ATP13A5: variants seen among roughly 807,000 people sequenced by gnomAD.
The protein encoded by ATP13A5 is probable cation-transporting ATPase 13A5.
Under a neutral mutation model 150.2 loss-of-function variants are expected in ATP13A5, and 149 were observed. The observed-to-expected ratio is 0.99, with a 90% CI of 0.87 to 1.14. ATP13A5 has a LOEUF of 1.14. ATP13A5 is among the 50% of genes most tolerant of loss of function. ATP13A5 has a pLI of 0.00. For synonymous variants in ATP13A5, 497 were observed against 522.2 expected, an observed-to-expected ratio of 0.95 and a Z score of 0.66; for missense variants, 1,383 against 1,449.3, an observed-to-expected ratio of 0.95 and a Z score of 0.74.
intron 25 of ATP13A5, among the ~76,000 whole-genome samples, chr3:193,298,625 T>A (rs1000629844): frequency 2.0e-5 from 3 of 152,134 alleles, no homozygotes; most frequent in Non-Finnish European, 4.4e-5. Flanking sequence ...AGTCCTGAGC[T>A]CCTTGATAGG....
chr3:193,299,090 A>G (rs1363668694), intron 25 of ATP13A5, 41 bp downstream of exon 25: 2 of 1,487,172 alleles, frequency 1.3e-6, no homozygotes, highest in African/African-American at 2.9e-5. Flanking sequence ...AATTTCATAG[A>G]TAAATAAAAA....
chr3:193,310,517 C>A lies in ATP13A5; in HGVS notation c.2525+121G>T, dbSNP rs149237585. The A allele has an allele frequency of 1.6e-4, 113 of 714,706 alleles. No individual in the cohort carries two copies. In the East Asian group the frequency reaches 3.0e-3, roughly 19 times the overall value. 44.3% of individuals were successfully genotyped at this position (714,706 alleles called of 1,614,324 possible). On this transcript the variant is annotated intron_variant, in intron 21 of 29. Coordinates refer to ENST00000342358, the MANE Select transcript of ATP13A5 (RefSeq NM_198505.4). ...ATAAGTGTTCCCTTTTCTCTGCAAT[C>A]TTGCCAACATTTGTTATTTTTGACT...
chr3:193,334,881 C>T (rs773727773), intron 10 of ATP13A5, 48 bp downstream of exon 10: 86 of 1,564,462 alleles, frequency 5.5e-5, no homozygotes, highest in Non-Finnish European at 3.0e-5. Flanking sequence ...ATCCAACTCT[C>T]CCCATGTTCA....
intron 25 of ATP13A5, among the ~76,000 whole-genome samples, 161 bp from the exon 26 acceptor site, chr3:193,290,220 C>G (rs182483229): frequency 8.5e-5 from 13 of 152,208 alleles, no homozygotes; most frequent in African/African-American, 3.1e-4. Flanking sequence ...GGTGGCACAT[C>G]CAGTTCCACC....
chr3:193,325,210 C>T (rs914843016), intron 13 of ATP13A5, among the ~76,000 whole-genome samples, 196 bp from the exon 14 acceptor site: 1 of 152,192 alleles, frequency 6.6e-6, no homozygotes, highest in Non-Finnish European at 1.5e-5. Flanking sequence ...ATCTACCTTA[C>T]CTTACAGTGT....
rs754945295 is a variant in ATP13A5 at position 193,333,818 on chromosome 3, T to C, written c.1204A>G (p.Ile402Val). 2.1e-5 allele frequency: 34 copies of C among 1,613,846 alleles called. No individual in the cohort carries two copies. In the East Asian group the frequency reaches 7.1e-4, roughly 34 times the overall value. ...FKLYSDAFKF[I>V]VFLACLGVMG... ...ACACCAAGGCAGGCCAGGAACACGA[T>C]GAACTTGAAGGCATCGCTGTATAGT... The change falls in exon 11 of 30, where the codon ATC (isoleucine) becomes GTC (valine). Residue 402 changes from isoleucine (I) to valine (V), a missense_variant. Physicochemically the swap from Ile to Val is conservative, Grantham distance 29. This residue lies in a region of ATP13A5 where 787 missense variants were observed against 771.9 expected (regional missense o/e 1.02). Transcript: ENST00000342358.
At chr3:193,333,367 A>G (rs924660991) in intron 11 of ATP13A5, among the ~76,000 whole-genome samples, 7 of 152,158 alleles carry the variant, frequency 4.6e-5, no homozygotes, top group Non-Finnish European at 8.8e-5. Context: ...ACCAGAAAGG[A>G]CCTCAGAGGT....
rs115289476 is a variant in ATP13A5 at position 193,311,936 on chromosome 3, G to C, written c.2325C>G (p.Ile775Met). ...NQETGPGKKEIYMHTGNSSTP... is the reference protein window; with the variant it reads ...NQETGPGKKEMYMHTGNSSTP... Reference sequence around the variant, plus strand: ...TTGAACTGTTTCCAGTATGCATGTAGATTTCCTAAAATCAAAAGGGCATCA... The same window carrying C: ...TTGAACTGTTTCCAGTATGCATGTACATTTCCTAAAATCAAAAGGGCATCA... The change falls in exon 20 of 30, where the codon ATC becomes ATG. Residue 775 changes from isoleucine to methionine, a missense_variant. Physicochemically the swap from Ile to Met is conservative, Grantham distance 10. Around this residue, in one of 3 missense-constraint regions of ATP13A5, gnomAD observed 568 missense variants for 621.5 expected, o/e 0.91. Coordinates refer to ENST00000342358, the MANE Select transcript of ATP13A5 (RefSeq NM_198505.4). 483 of 1,613,612 alleles carry C rather than the reference G, an allele frequency of 3.0e-4. 3 individuals are homozygous for C. The African/African-American group carries it at 5.9e-3, about 20-fold the overall frequency.
At chr3:193,284,625 G>A (rs1717641173) in intron 27 of ATP13A5, among the ~76,000 whole-genome samples, 1 of 152,180 alleles carries the variant, frequency 6.6e-6, no homozygotes, top group African/African-American at 2.4e-5. Context: ...TGGTTAGAAA[G>A]CCTTTAATAA....
rs75931190 is a variant in ATP13A5 at position 193,335,013 on chromosome 3, T to G, written c.1030A>C (p.Lys344Gln). ...WKCHSLEDYR[K>Q]HVLFCGTEVI... ...TCTGTTCCACAGAAAAGGACGTGTT[T>G]CCTATAATCCTCCAAACTGTGACAT... is the stretch of plus-strand genomic sequence containing the variant. The change falls in exon 10 of 30, where the codon AAA becomes CAA. Residue 344 changes from lysine to glutamine, a missense_variant. Transcript: ENST00000342358. 1.9e-6 allele frequency: 3 copies of G among 1,613,848 alleles called. No homozygotes were observed. The African/African-American group carries it at 4.0e-5, about 22-fold the overall frequency.
At chr3:193,336,914 T>A (rs1309662789) in intron 9 of ATP13A5, among the ~76,000 whole-genome samples, 37 of 152,222 alleles carry the variant, frequency 2.4e-4, no homozygotes, top group Non-Finnish European at 8.8e-5. Flanking sequence ...TCCTGACTTT[T>A]TAATGATTGC....
intron 1 of ATP13A5, among the ~76,000 whole-genome samples, chr3:193,373,345 T>C (rs974885443): frequency 6.6e-6 from 1 of 152,138 alleles, no homozygotes; most frequent in African/African-American, 2.4e-5. Flanking sequence ...GATTTTGTCA[T>C]GTTGGCCAGC....
chr3:193,275,036 T>G lies in ATP13A5; in HGVS notation c.*6A>C, dbSNP rs780698933. 1.9e-6 allele frequency: 3 copies of G among 1,614,022 alleles called. No individual in the cohort carries two copies. Among genetic ancestry groups the G allele is most frequent in the South Asian group, 2.2e-5 (2 of 91,062 alleles). ...TGCTGTTGAGCATGTACGACGACAA[T>G]TCTGATTACAGCCTGGCCCAGAAAT... On this transcript the variant is annotated 3_prime_UTR_variant, in exon 30 of 30. Transcript: ENST00000342358.
intron 16 of ATP13A5, among the ~76,000 whole-genome samples, chr3:193,320,753 A>C (rs1421799780): frequency 1.3e-5 from 2 of 152,246 alleles, no homozygotes; most frequent in African/African-American, 4.8e-5. Flanking sequence ...ATCGGAAGAC[A>C]AAAAGACCAA....
chr3:193,305,816 G>T (rs779034677), intron 22 of ATP13A5, 148 bp from the exon 23 acceptor site: 2 of 667,598 alleles, frequency 3.0e-6, no homozygotes, highest in East Asian at 5.4e-5. Context: ...CCTCCACCTG[G>T]AGTGCCCTCT....
At chr3:193,278,895 G>C (rs1253131690) in intron 28 of ATP13A5, among the ~76,000 whole-genome samples, 1 of 152,122 alleles carries the variant, frequency 6.6e-6, no homozygotes, top group Non-Finnish European at 1.5e-5. Context: ...TGATGAATTA[G>C]ATTTTAACCC....
intron 26 of ATP13A5, among the ~76,000 whole-genome samples, chr3:193,288,909 ATCC>A (rs111835947): frequency 2.0e-5 from 3 of 152,258 alleles, no homozygotes; most frequent in African/African-American, 7.2e-5. Flanking sequence ...TTTCCTATCC[ATCC>A]TCTTTTGGCT....
At chr3:193,347,786 T>G (rs11919228) in intron 7 of ATP13A5, among the ~76,000 whole-genome samples, 1 of 151,852 alleles carries the variant, frequency 6.6e-6, no homozygotes, top group Non-Finnish European at 1.5e-5. Context: ...CTAATCCTTC[T>G]CATAAAGGCC....
intron 1 of ATP13A5, among the ~76,000 whole-genome samples, chr3:193,371,968 TCA>T (rs1051927983): frequency 1.3e-5 from 2 of 151,998 alleles, no homozygotes; most frequent in African/African-American, 4.8e-5. Context: ...GGAACGGTGA[TCA>T]CAGGGGTGTC....
Sources: allele counts gnomAD v4.1 joint callset (sites outside exome capture counted in the v4.1 genomes callset), GRCh38; gene constraint gnomAD v4.1.1; regional missense constraint gnomAD v4.1.1; transcripts MANE v1.5; gene names NCBI Gene and HGNC (gene_info 2026-07-23, HGNC 2026-07-21).